Variants in RANBP10 observed in about 807,000 individuals in gnomAD.
RANBP10 encodes ran-binding protein 10.
A neutral mutation model predicts 72.8 loss-of-function variants in RANBP10; 24 were observed. The ratio of observed to expected loss-of-function variants is 0.33; its 90% CI spans 0.24 to 0.46. The LOEUF (loss-of-function observed/expected upper bound fraction) is 0.46. Among genes scored for constraint, RANBP10 ranks in the 20% least tolerant of loss-of-function variants. The pLI is 1.00. For missense variants in RANBP10, 679 were observed against 817.5 expected, an observed-to-expected ratio of 0.83 and a Z score of 2.07; for synonymous variants, 310 against 322.3, an observed-to-expected ratio of 0.96 and a Z score of 0.41.
At chr16:67,738,494 C>T (rs565596756) in intron 4 of RANBP10, 26 of 157,976 alleles carry the variant, frequency 1.6e-4, no homozygotes, top group Non-Finnish European at 3.5e-4. Flanking sequence ...ACTCTGTCGC[C>T]CAGGCTGGAG....
chr16:67,804,946 T>C (rs1416410038), intron 2 of RANBP10, among the ~76,000 whole-genome samples: 1 of 152,214 alleles, frequency 6.6e-6, no homozygotes, highest in Non-Finnish European at 1.5e-5. Context: ...ATCATGTGTA[T>C]GCTGTTTACC....
intron 2 of RANBP10, among the ~76,000 whole-genome samples, chr16:67,778,559 T>C (rs2054753610): frequency 6.6e-6 from 1 of 152,038 alleles, no homozygotes; most frequent in Admixed American, 6.5e-5. Flanking sequence ...CATCAAACTT[T>C]AAAACTTTTA....
intron 6 of RANBP10, among the ~76,000 whole-genome samples, chr16:67,732,799 G>C (rs1282667051): frequency 6.7e-6 from 1 of 150,306 alleles, no homozygotes; most frequent in Non-Finnish European, 1.5e-5. Flanking sequence ...TGTAATCCCA[G>C]CACTTTGGGA....
chr16:67,759,211 C>T (rs2054347833), intron 3 of RANBP10, among the ~76,000 whole-genome samples: 1 of 152,252 alleles, frequency 6.6e-6, no homozygotes, highest in Non-Finnish European at 1.5e-5. Context: ...TACTCCTTCA[C>T]TCCCATCTAG....
At chr16:67,763,489 G>A (rs2054438414) in intron 3 of RANBP10, 1 of 152,200 alleles carries the variant, frequency 6.6e-6, no homozygotes, top group African/African-American at 2.4e-5. Flanking sequence ...TCAGGTTTCT[G>A]GAAGTGGGAT....
chr16:67,805,662 G>A (rs1160767835), intron 1 of RANBP10, 123 bp from the exon 2 acceptor site: 10 of 739,628 alleles, frequency 1.4e-5, no homozygotes, highest in Non-Finnish European at 1.8e-5. Flanking sequence ...ACTTACACAG[G>A]CCGAGGAATC....
chr16:67,762,549 A>T (rs2054419095), intron 3 of RANBP10: 1 of 152,178 alleles, frequency 6.6e-6, no homozygotes, highest in African/African-American at 2.4e-5. Context: ...CATATGACCA[A>T]ATGTGAGTCA....
Position 67,727,793 on chromosome 16 carries a change from G to A in RANBP10, c.1578C>T (p.Gly526=), listed in dbSNP as rs2143000559. The change falls in exon 12 of 14, where the codon GGC becomes GGT. Residue 526 remains glycine (G), a synonymous_variant. Coordinates refer to ENST00000317506, the MANE Select transcript of RANBP10 (RefSeq NM_020850.3). ...GGGCCAAATTCTTGCCGTACTCCCG[G>A]CCCAACTGCTCACTCAATGCCTGCA... ...RELQALSEQL[G]REYGKNLAHT... The A allele has an allele frequency of 2.5e-6, 4 of 1,614,170 alleles. No individual in the cohort carries two copies. Among genetic ancestry groups the A allele is most frequent in the Non-Finnish European group, 3.4e-6 (4 of 1,180,052 alleles).
Position 67,730,096 on chromosome 16 carries a change from A to C in RANBP10, c.890-50T>G, listed in dbSNP as rs779746674. On this transcript the variant is annotated intron_variant, in intron 7 of 13. Transcript: ENST00000317506. This position sits in a 1 kb window ranked among gnomAD's most constrained non-coding sequence, Gnocchi z 4.3. ...TGAGCGAGGGCTACAGGCCTCTCCC[A>C]CAGCCACACACCTGGGATGCTGCCA... The C allele has an allele frequency of 8.3e-5, 128 of 1,534,348 alleles. No individual in the cohort carries two copies. The highest frequency in any genetic ancestry group is 1.1e-4 in the Non-Finnish European group (121 of 1,119,494).
At position 67,805,518 on chromosome 16, in the gene RANBP10, T is replaced by C; in HGVS notation, c.257A>G (p.Asp86Gly). Residue 86 changes from aspartate to glycine, a missense_variant, in exon 2 of 14, where the codon GAT becomes GGT. By Grantham distance (94) the Asp-to-Gly change is moderately conservative. Coordinates refer to ENST00000317506, the MANE Select transcript of RANBP10 (RefSeq NM_020850.3). ...GTGGGTGGCACGCACTGAGGCCGCA[T>C]CTTTGTGATTTTTGCCATGACCTAA... Reference protein sequence around the residue: ...HYKGHGKNHKDAASVRATHPI... With the variant: ...HYKGHGKNHKGAASVRATHPI... The C allele has an allele frequency of 6.2e-7, 1 of 1,614,060 alleles. No homozygotes were observed.
At chr16:67,732,245 G>C (rs1448695992) in intron 6 of RANBP10, among the ~76,000 whole-genome samples, 1 of 152,204 alleles carries the variant, frequency 6.6e-6, no homozygotes, top group East Asian at 1.9e-4. Flanking sequence ...GGCAGAGATA[G>C]GCAGCAGCAG....
chr16:67,758,774 A>C (rs1295304032), intron 3 of RANBP10, among the ~76,000 whole-genome samples: 1 of 152,238 alleles, frequency 6.6e-6, no homozygotes, highest in Non-Finnish European at 1.5e-5. Context: ...TCTGTGAGAG[A>C]GGCTGGGGGC....
chr16:67,755,173 T>C (rs1172296313), intron 3 of RANBP10, among the ~76,000 whole-genome samples: 1 of 152,100 alleles, frequency 6.6e-6, no homozygotes, highest in African/African-American at 2.4e-5. Context: ...TATGCCTGGG[T>C]GAGCAGCCCC....
intron 3 of RANBP10, among the ~76,000 whole-genome samples, chr16:67,761,688 G>A (rs1184272566): frequency 6.6e-6 from 1 of 152,088 alleles, no homozygotes; most frequent in East Asian, 1.9e-4. Context: ...TCCTGCCTCA[G>A]CCTCCTGAGT....
chr16:67,774,156 C>A (rs539997916), intron 2 of RANBP10, among the ~76,000 whole-genome samples: 57 of 152,230 alleles, frequency 3.7e-4, no homozygotes, highest in Non-Finnish European at 6.5e-4. Flanking sequence ...ACAAGTGCAA[C>A]AGTCAGGGCT....
At chr16:67,728,724 T>A (rs1049507663) in intron 10 of RANBP10, 1 of 838,316 alleles carries the variant, frequency 1.2e-6, no homozygotes, top group African/African-American at 1.7e-5. Flanking sequence ...TTCCCACCCT[T>A]GCCCCAGTGC....
At chr16:67,759,269 G>A (rs2054348905) in intron 3 of RANBP10, among the ~76,000 whole-genome samples, 1 of 152,214 alleles carries the variant, frequency 6.6e-6, no homozygotes, top group Admixed American at 6.5e-5. Flanking sequence ...GAATGAGAAA[G>A]GCAGAGAGGG....
chr16:67,786,123 G>A (rs1158353056), intron 2 of RANBP10, among the ~76,000 whole-genome samples: 1 of 151,678 alleles, frequency 6.6e-6, no homozygotes, highest in East Asian at 1.9e-4. Flanking sequence ...GAGCCCAGGA[G>A]TTCAAGACCA....
chr16:67,727,856 C>T lies in RANBP10; in HGVS notation c.1515G>A (p.Gln505=), dbSNP rs2053639726. Residue 505 remains glutamine, a synonymous_variant, in exon 12 of 14, where the codon CAG becomes CAA. Transcript: ENST00000317506. ...HPRRQLCGGN[Q]AATERIILFG... is the part of the protein sequence containing the mutation. Reference sequence around the variant, plus strand: ...ACAGAATGATCCTTTCTGTGGCAGCCTGGTTGCCCCCGCAGAGCTGCCGCC... The same window carrying T: ...ACAGAATGATCCTTTCTGTGGCAGCTTGGTTGCCCCCGCAGAGCTGCCGCC... The T allele has an allele frequency of 6.2e-7, 1 of 1,614,132 alleles. No homozygotes were observed. Among genetic ancestry groups the T allele is most frequent in the East Asian group, 2.2e-5 (1 of 44,882 alleles).
Sources: gnomAD v4.1 joint callset for allele counts (sites outside exome capture counted in the v4.1 genomes callset) on GRCh38, gnomAD v4.1.1 for gene constraint, Gnocchi (gnomAD v3.1) non-coding constraint, MANE v1.5 for transcripts, NCBI Gene and HGNC (gene_info 2026-07-23, HGNC 2026-07-21) for gene names.